Variants in HMGB1 observed in about 807,000 individuals in gnomAD.
HMGB1 encodes high mobility group protein B1.
For synonymous variants in HMGB1, 81 were observed against 84.0 expected, an observed-to-expected ratio of 0.96 and a Z score of 0.19; for missense variants, 79 against 253.5, an observed-to-expected ratio of 0.31 and a Z score of 4.67.
At chr13:30,555,033 GTTTTTTTTTTT>G (rs1007919529) in intron 1 of HMGB1, among the ~76,000 whole-genome samples, 49 of 72,442 alleles carry the variant, frequency 6.8e-4, no homozygotes, top group African/African-American at 2.6e-3. Flanking sequence ...GTGTCGTTGT[GTTTTTTTTTTT>G]TTTTTTTTTT....
intron 1 of HMGB1, among the ~76,000 whole-genome samples, chr13:30,543,790 C>T (rs1869023825): frequency 1.3e-5 from 2 of 152,180 alleles, no homozygotes; most frequent in African/African-American, 2.4e-5. Flanking sequence ...TGATTTATTT[C>T]CCTACCTTAT....
At chr13:30,523,365 A>G (rs951792945) in intron 1 of HMGB1, among the ~76,000 whole-genome samples, 3 of 152,234 alleles carry the variant, frequency 2.0e-5, no homozygotes, top group Admixed American at 6.5e-5. Context: ...AACTCTGCAC[A>G]TTGCTCAACC....
chr13:30,462,335 A>T (rs770560516), intron 4 of HMGB1: 4 of 627,202 alleles, frequency 6.4e-6, no homozygotes, highest in Non-Finnish European at 1.2e-5. Context: ...AAATGTACAC[A>T]GCCTTTGTCT....
intron 2 of HMGB1, 51 bp from the exon 3 acceptor site, chr13:30,463,403 C>T: frequency 6.4e-7 from 1 of 1,551,768 alleles, no homozygotes; most frequent in Non-Finnish European, 8.8e-7. Context: ...AGTAAATTAT[C>T]CTCAAAACCA....
upstream of HMGB1, among the ~76,000 whole-genome samples, chr13:30,469,824 T>C (rs560480322): frequency 1.3e-5 from 2 of 152,320 alleles, no homozygotes; most frequent in East Asian, 3.9e-4. Context: ...GGAGACGGGG[T>C]TTCACCATGT....
chr13:30,534,290 C>T (rs760894877), intron 1 of HMGB1, among the ~76,000 whole-genome samples: 16 of 152,244 alleles, frequency 1.1e-4, no homozygotes, highest in Non-Finnish European at 1.9e-4. Flanking sequence ...CAGTCACACT[C>T]CACGGCCCAG....
intron 4 of HMGB1, 148 bp downstream of exon 4, chr13:30,462,390 C>T: frequency 1.3e-6 from 1 of 776,146 alleles, no homozygotes; most frequent in Non-Finnish European, 2.3e-6. Context: ...TTTATTTGGT[C>T]CTCTGCATTC....
Position 30,569,959 on chromosome 13 carries a change from C to T in HMGB1, c.-15+46712G>A, listed in dbSNP as rs79924179. 2.5e-3 allele frequency among the ~76,000 whole-genome samples: 378 copies of T among 152,302 alleles called. 2 individuals are homozygous for T. The highest frequency in any genetic ancestry group is 8.7e-3 in the African/African-American group (361 of 41,570). ...CAGCCAGCAGCAACAGTTCCCTAGC[C>T]TGCCTAGAAGTTTGTAAATGCATGG... is the stretch of plus-strand genomic sequence containing the variant. On this transcript the variant is annotated intron_variant, in intron 1 of 4. Coordinates refer to the HMGB1 transcript ENST00000405805.
intron 1 of HMGB1, among the ~76,000 whole-genome samples, chr13:30,610,455 A>G (rs899279824): frequency 1.3e-5 from 2 of 152,228 alleles, no homozygotes; most frequent in African/African-American, 4.8e-5. Flanking sequence ...GGGAAAACCA[A>G]CATCTGCTGT....
chr13:30,574,451 TC>T (rs780051513), intron 1 of HMGB1, among the ~76,000 whole-genome samples: 222 of 152,342 alleles, frequency 1.5e-3, no homozygotes, highest in Non-Finnish European at 2.4e-3. Flanking sequence ...CTAAATGAAT[TC>T]TCTTGTGATA....
upstream of HMGB1, among the ~76,000 whole-genome samples, chr13:30,466,568 CTCATAAGCCG>C (rs1227114686): frequency 4.6e-5 from 7 of 152,188 alleles, no homozygotes; most frequent in Non-Finnish European, 7.3e-5. Context: ...CTTTTCTGGG[CTCATAAGCCG>C]TCACGTCAGG....
intron 1 of HMGB1, among the ~76,000 whole-genome samples, chr13:30,519,520 C>A (rs1396992412): frequency 1.4e-5 from 2 of 145,812 alleles, no homozygotes; most frequent in Admixed American, 7.1e-5. Flanking sequence ...ACAGTGAAAC[C>A]CTGTCTCTAC....
chr13:30,489,366 G>T (rs1887433600), intron 1 of HMGB1, among the ~76,000 whole-genome samples: 1 of 152,096 alleles, frequency 6.6e-6, no homozygotes, highest in Non-Finnish European at 1.5e-5. Context: ...CTTATTGAAG[G>T]ATATAAAATT....
Position 30,460,910 on chromosome 13 carries a change from T to C in HMGB1, c.*447A>G. On this transcript the variant is annotated 3_prime_UTR_variant, in exon 5 of 5. Transcript: ENST00000341423. ...ACAACAATACTAATAAAAAAAATTG[T>C]ATTTACTTAGAAGCATTCAGAATGT... 3 of 778,222 alleles carry C rather than the reference T, an allele frequency of 3.9e-6. No individual in the cohort carries two copies. The highest frequency in any genetic ancestry group is 4.7e-6 in the Non-Finnish European group (3 of 641,052). 48.2% of individuals were successfully genotyped at this position (778,222 alleles called of 1,614,324 possible).
intron 1 of HMGB1, among the ~76,000 whole-genome samples, chr13:30,491,935 G>A (rs749062988): frequency 1.4e-4 from 22 of 152,298 alleles, no homozygotes; most frequent in African/African-American, 3.4e-4. Context: ...TTGGGAGGCC[G>A]AGGCGGGCAG....
rs1039414517 is a variant in HMGB1 at position 30,462,845 on chromosome 13, A to G, written c.297-133T>C. On this transcript the variant is annotated intron_variant, in intron 3 of 4. Coordinates refer to ENST00000341423, the MANE Select transcript of HMGB1 (RefSeq NM_002128.7). ...GCATTGGACAGGGTGCAAATACTAT[A>G]ATATACTAAATATCCTTCACAACCA... is the stretch of plus-strand genomic sequence containing the variant. The G allele has an allele frequency of 8.7e-6, 6 of 687,146 alleles. No individual in the cohort carries two copies. In the African/African-American group the frequency reaches 1.1e-4, roughly 12 times the overall value. 42.6% of individuals were successfully genotyped at this position (687,146 alleles called of 1,614,324 possible).
chr13:30,591,030 T>TTA (rs1037778541), intron 1 of HMGB1, among the ~76,000 whole-genome samples: 2 of 145,896 alleles, frequency 1.4e-5, no homozygotes, highest in African/African-American at 5.0e-5. Flanking sequence ...GCAGGGCCTT[T>TTA]TTTTTTTTTT....
chr13:30,462,342 G>A (rs1184049553), intron 4 of HMGB1, 196 bp downstream of exon 4: 3 of 658,088 alleles, frequency 4.6e-6, no homozygotes, highest in Admixed American at 2.1e-5. Context: ...CACAGCCTTT[G>A]TCTGAGTCTG....
chr13:30,546,646 G>A (rs897677090), intron 1 of HMGB1, among the ~76,000 whole-genome samples: 9 of 152,018 alleles, frequency 5.9e-5, no homozygotes, highest in African/African-American at 1.9e-4. Context: ...ACCATGCCCA[G>A]CTAATTTTTG....
Sources: gnomAD v4.1 joint callset for allele counts (sites outside exome capture counted in the v4.1 genomes callset) on GRCh38, gnomAD v4.1.1 for gene constraint, MANE v1.5 for transcripts, NCBI Gene and HGNC (gene_info 2026-07-23, HGNC 2026-07-21) for gene names.